Variants in SLC44A5 observed in about 807,000 individuals in gnomAD.
SLC44A5 encodes the protein choline transporter-like protein 5.
Under a neutral mutation model 101.8 loss-of-function variants are expected in SLC44A5, and 57 were observed. The ratio of observed to expected loss-of-function variants is 0.56; its 90% CI spans 0.45 to 0.70. The LOEUF is 0.70. Ranked by LOEUF, SLC44A5 falls within the 30% of genes least tolerant of loss-of-function variation. SLC44A5 has a pLI of 0.00. For synonymous variants in SLC44A5, 281 were observed against 290.9 expected (o/e 0.97, Z 0.35); for missense variants, 737 against 853.1 (o/e 0.86, Z 1.70).
At chr1:75,664,506 A>G in the SLC44A5 span, among the ~76,000 whole-genome samples, 5 of 152,186 alleles carry the variant, frequency 3.3e-5, no homozygotes, top group Non-Finnish European at 7.3e-5. Flanking sequence ...GTAGGATTCA[A>G]TAACATTCAA....
the SLC44A5 span, among the ~76,000 whole-genome samples, chr1:75,705,412 C>A: frequency 1.3e-5 from 2 of 152,142 alleles, no homozygotes; most frequent in African/African-American, 4.8e-5. Context: ...CCATCCAGAG[C>A]TTGAGGCAGT....
chr1:75,510,195 A>G (rs1669490933), intron 2 of SLC44A5, among the ~76,000 whole-genome samples: 1 of 152,162 alleles, frequency 6.6e-6, no homozygotes, highest in Non-Finnish European at 1.5e-5. Flanking sequence ...TTGGGTGGGG[A>G]CACAGCCAAA....
chr1:75,707,638 T>C, the SLC44A5 span, among the ~76,000 whole-genome samples: 4 of 152,164 alleles, frequency 2.6e-5, no homozygotes, highest in African/African-American at 9.7e-5. Flanking sequence ...AAATAAAAGG[T>C]ATTCTGCTTT....
chr1:75,309,971 T>C (rs981193940), intron 4 of SLC44A5, among the ~76,000 whole-genome samples: 2 of 152,220 alleles, frequency 1.3e-5, no homozygotes, highest in African/African-American at 4.8e-5. Flanking sequence ...GGTTATACTA[T>C]AACACAGCAT....
At chr1:75,475,781 T>C (rs1449881514) in intron 2 of SLC44A5, among the ~76,000 whole-genome samples, 1 of 152,218 alleles carries the variant, frequency 6.6e-6, no homozygotes, top group African/African-American at 2.4e-5. Context: ...AGAGATTAAA[T>C]AAATAGATCC....
chr1:75,346,011 A>T (rs572664922), intron 3 of SLC44A5, among the ~76,000 whole-genome samples: 1 of 152,262 alleles, frequency 6.6e-6, no homozygotes, highest in East Asian at 1.9e-4. Context: ...GGGGTGAAAG[A>T]AAGGGCATGG....
intron 1 of SLC44A5, among the ~76,000 whole-genome samples, chr1:75,610,164 CACACACACACAT>C (rs925744582): frequency 6.8e-6 from 1 of 146,476 alleles, no homozygotes; most frequent in African/African-American, 2.5e-5. Context: ...CACACACACA[CACACACACACAT>C]AGTGAAGTCT....
chr1:75,340,248 C>A (rs796677124), intron 3 of SLC44A5, among the ~76,000 whole-genome samples: 46 of 152,178 alleles, frequency 3.0e-4, no homozygotes, highest in African/African-American at 1.1e-3. Context: ...GATATATTAC[C>A]CTTTTCTTTA....
rs145595944 is a variant in SLC44A5 at position 75,566,005 on chromosome 1, G to T, written c.-69-24489C>A. On this transcript the variant is annotated intron_variant, in intron 1 of 23. Transcript: ENST00000370859. ...AAAAAAGAAAAAGGAAAACACTGCT[G>T]TCTTTAAATAGCATACATTTCACTT... Among the ~76,000 whole-genome samples, 546 of 152,262 alleles carry T rather than the reference G, an allele frequency of 3.6e-3. 7 individuals are homozygous for T. Among genetic ancestry groups the T allele is most frequent in the African/African-American group, 0.013 (528 of 41,562 alleles).
intron 2 of SLC44A5, among the ~76,000 whole-genome samples, chr1:75,500,937 T>C (rs1253076727): frequency 6.6e-6 from 1 of 152,188 alleles, no homozygotes; most frequent in African/African-American, 2.4e-5. Flanking sequence ...TTTGTTCTCA[T>C]GCATAAATTG....
intron 19 of SLC44A5, 73 bp downstream of exon 19, chr1:75,215,681 G>T: frequency 1.2e-6 from 1 of 850,786 alleles, no homozygotes; most frequent in Non-Finnish European, 2.0e-6. Flanking sequence ...AAGTACTTTA[G>T]AGAGGGCAAT....
At chr1:75,334,173 T>C (rs572236156) in intron 4 of SLC44A5, among the ~76,000 whole-genome samples, 19 of 152,324 alleles carry the variant, frequency 1.2e-4, no homozygotes, top group Non-Finnish European at 1.9e-4. Context: ...TTTATATAAT[T>C]GATGTCCTAT....
chr1:75,347,239 C>T lies in SLC44A5; in HGVS notation c.53-7609G>A, dbSNP rs552065055. ...CATCTCTCCTGCTTCCTCATATCAC[C>T]CACAGGTTATTGATGAGAATAAAAT... On this transcript the variant is annotated intron_variant, in intron 3 of 23. Coordinates refer to ENST00000370859, the MANE Select transcript of SLC44A5 (RefSeq NM_001130058.2). Among the ~76,000 whole-genome samples, 5 of 152,174 alleles carry T rather than the reference C, an allele frequency of 3.3e-5. No homozygotes were observed. The South Asian group carries it at 1.0e-3, about 32-fold the overall frequency.
intron 2 of SLC44A5, among the ~76,000 whole-genome samples, chr1:75,528,965 T>C (rs868110534): frequency 5.9e-5 from 9 of 152,216 alleles, no homozygotes; most frequent in Non-Finnish European, 1.2e-4. Flanking sequence ...AACTCGCTTC[T>C]GTGTATTATT....
intron 5 of SLC44A5, among the ~76,000 whole-genome samples, chr1:75,288,447 A>G (rs996423240): frequency 1.3e-5 from 2 of 152,168 alleles, no homozygotes; most frequent in South Asian, 2.1e-4. Flanking sequence ...TGAATTGTCA[A>G]TTGTCACATT....
At chr1:75,568,966 T>C (rs563346223) in intron 1 of SLC44A5, among the ~76,000 whole-genome samples, 1 of 152,336 alleles carries the variant, frequency 6.6e-6, no homozygotes, top group Admixed American at 6.5e-5. Context: ...TGGGTTTTTG[T>C]ATGTACTTAC....
At chr1:75,364,753 C>T (rs1249849) in intron 3 of SLC44A5, among the ~76,000 whole-genome samples, 95,273 of 152,002 alleles carry the variant, frequency 0.63, 31,551 homozygotes, top group East Asian at 0.96. Context: ...GTAACTCCCA[C>T]AGGCCTTCTT....
At chr1:75,237,860 A>G (rs1648242052) in intron 10 of SLC44A5, among the ~76,000 whole-genome samples, 1 of 152,052 alleles carries the variant, frequency 6.6e-6, no homozygotes, top group African/African-American at 2.4e-5. Flanking sequence ...AGATAAATAA[A>G]TTTTTAGAAT....
the SLC44A5 span, among the ~76,000 whole-genome samples, chr1:75,695,224 T>G: frequency 6.6e-6 from 1 of 152,326 alleles, no homozygotes; most frequent in South Asian, 2.1e-4. Flanking sequence ...AAATTTATGA[T>G]TGGCATTGGA....
Sources: gnomAD v4.1 joint callset for allele counts (sites outside exome capture counted in the v4.1 genomes callset) on GRCh38, gnomAD v4.1.1 for gene constraint, MANE v1.5 for transcripts, NCBI Gene and HGNC (gene_info 2026-07-23, HGNC 2026-07-21) for gene names.